Variants in USP54 observed in about 807,000 individuals in gnomAD.
USP54 encodes ubiquitin carboxyl-terminal hydrolase 54.
USP54 carries 87 observed loss-of-function variants against 170.5 expected under a neutral mutation model. That is an observed-to-expected ratio of 0.51 (90% CI 0.43 to 0.61). The LOEUF is 0.61. USP54 is among the 20% of genes least tolerant of loss of function. The pLI is 0.00. For missense variants in USP54, 1,786 were observed against 2,047.8 expected (o/e 0.87, Z 2.47); for synonymous variants, 655 against 742.8 (o/e 0.88, Z 1.92).
intron 4 of USP54, among the ~76,000 whole-genome samples, chr10:73,554,022 T>C (rs936540777): frequency 2.0e-5 from 3 of 152,234 alleles, no homozygotes; most frequent in South Asian, 2.1e-4. Context: ...AAAGTCTTTA[T>C]GCTTCGACAT....
Position 73,517,540 on chromosome 10 carries a change from G to T in USP54, c.2886C>A (p.Asp962Glu), listed in dbSNP as rs753097380. The change falls in exon 20 of 24, where the codon GAC becomes GAA. Residue 962 changes from aspartate (D) to glutamate (E), a missense_variant. Asp to Glu is a conservative substitution (Grantham distance 45). Transcript: ENST00000687698. ...TGTGGAATGCAGAGGGTTCAATGTT[G>T]TCTACTTCAACCGAAGTCAGAAGCT... ...ALKLLTSVEVDNIEPSAFHRQ... is the reference protein window; with the variant it reads ...ALKLLTSVEVENIEPSAFHRQ... The T allele has an allele frequency of 6.2e-7, 1 of 1,614,178 alleles. No individual in the cohort carries two copies. The highest frequency in any genetic ancestry group is 8.5e-7 in the Non-Finnish European group (1 of 1,180,028).
At chr10:73,571,918 A>G (rs1218041958) in intron 3 of USP54, among the ~76,000 whole-genome samples, 1 of 152,344 alleles carries the variant, frequency 6.6e-6, no homozygotes, top group East Asian at 1.9e-4. Context: ...GTGGAATTTT[A>G]TCTTTGTTAG....
chr10:73,505,604 C>T (rs2058972750), intron 20 of USP54, 178 bp from the exon 21 acceptor site: 1 of 533,728 alleles, frequency 1.9e-6, no homozygotes, highest in Non-Finnish European at 3.3e-6. Context: ...GGCGCGGTGG[C>T]TCACACCTGT....
At chr10:73,596,331 G>A (rs2132244409), upstream of USP54, among the ~76,000 whole-genome samples, 1 of 152,186 alleles carries the variant, frequency 6.6e-6, no homozygotes, top group South Asian at 2.1e-4. Flanking sequence ...GCCGAGGCGG[G>A]CAGATCACAA....
chr10:73,516,307 G>A, intron 20 of USP54, 68 bp downstream of exon 20: 1 of 1,502,894 alleles, frequency 6.7e-7, no homozygotes, highest in Non-Finnish European at 9.0e-7. Flanking sequence ...ACTCCCTTCT[G>A]ATCTTTCCCT....
rs970790516 is a variant in USP54 at position 73,623,462 on chromosome 10, G to A, written c.-18+2105C>T. On this transcript the variant is annotated intron_variant, in intron 1 of 22. Coordinates refer to the USP54 transcript ENST00000339859. The stretch of plus-strand genomic sequence containing the variant: ...ACTTGAGCCCAGGAGTTTGAGACCA[G>A]CCTGGCAACATAGCAAGACCCCATC... 2.0e-5 allele frequency among the ~76,000 whole-genome samples: 3 copies of A among 151,966 alleles called. No individual in the cohort carries two copies. The East Asian group carries it at 5.8e-4, about 29-fold the overall frequency.
At chr10:73,618,741 C>CAA (rs1320519590) in intron 1 of USP54, among the ~76,000 whole-genome samples, 6 of 58,460 alleles carry the variant, frequency 1.0e-4, no homozygotes, top group East Asian at 4.9e-4. Flanking sequence ...GACTCCATCT[C>CAA]AAAAAAAAAA....
intron 4 of USP54, among the ~76,000 whole-genome samples, chr10:73,561,104 C>CAAAAAA (rs919887025): frequency 8.9e-4 from 27 of 30,426 alleles, no homozygotes; most frequent in Middle Eastern, 0.014. Flanking sequence ...GACTCCATCT[C>CAAAAAA]AAAAAAAAAA....
chr10:73,539,805 C>T (rs764414857), intron 9 of USP54, among the ~76,000 whole-genome samples: 1 of 152,070 alleles, frequency 6.6e-6, no homozygotes, highest in African/African-American at 2.4e-5. Context: ...GACAAGAGTT[C>T]GAGAACAACC....
chr10:73,510,687 G>A (rs1266946542), intron 20 of USP54, among the ~76,000 whole-genome samples: 17 of 152,070 alleles, frequency 1.1e-4, no homozygotes, highest in Non-Finnish European at 1.2e-4. Context: ...GACCTCAAGT[G>A]ATCCATCCAC....
intron 4 of USP54, among the ~76,000 whole-genome samples, chr10:73,554,374 A>G (rs2070426839): frequency 6.6e-6 from 1 of 152,166 alleles, no homozygotes; most frequent in Admixed American, 6.5e-5. Flanking sequence ...TGCTTTCGCT[A>G]CATCTCCTGG....
chr10:73,622,073 T>C (rs1306093611), intron 1 of USP54, among the ~76,000 whole-genome samples: 3 of 152,166 alleles, frequency 2.0e-5, no homozygotes, highest in East Asian at 1.9e-4. Flanking sequence ...TTTCTTAGTA[T>C]ATTAGAATCA....
chr10:73,508,380 C>G (rs1450639912), intron 20 of USP54, among the ~76,000 whole-genome samples: 1 of 145,764 alleles, frequency 6.9e-6, no homozygotes, highest in African/African-American at 2.6e-5. Context: ...GCACTCCAGA[C>G]TGGGCGATAG....
In USP54 at chr10:73,554,372, C is replaced by T. The variant is rs142473192; in HGVS notation, c.241-8700G>A. Among the ~76,000 whole-genome samples, 228 of 152,286 alleles carry T rather than the reference C, an allele frequency of 1.5e-3. 1 individual carries two copies. Among genetic ancestry groups the T allele is most frequent in the African/African-American group, 5.3e-3 (220 of 41,548 alleles). The stretch of plus-strand genomic sequence containing the variant: ...TTGGCTCTCATAATCACTGCTTTCG[C>T]TACATCTCCTGGGAATCATAGAACT... On this transcript the variant is annotated intron_variant, in intron 4 of 23. Transcript: ENST00000687698.
In USP54 at chr10:73,539,608, G is replaced by A. The variant is rs1308134091; in HGVS notation, c.826-15C>T. 6.4e-7 allele frequency: 1 copy of A among 1,568,748 alleles called. No individual in the cohort carries two copies. The highest frequency in any genetic ancestry group is 8.7e-7 in the Non-Finnish European group (1 of 1,151,964). The stretch of plus-strand genomic sequence containing the variant: ...CTGAAAAACAGCTGAGGGGAAAGAA[G>A]AGAAAAGAAAGCACAGTCACATATT... On this transcript the variant is annotated splice_polypyrimidine_tract_variant and intron_variant, in intron 9 of 23. Transcript: ENST00000687698.
At position 73,603,856 on chromosome 10, in the gene USP54, A is replaced by G. The variant is rs149163843; in HGVS notation, c.-18+21711T>C. 5.4e-4 allele frequency among the ~76,000 whole-genome samples: 82 copies of G among 152,280 alleles called. 1 individual carries two copies. The highest frequency in any genetic ancestry group is 1.7e-3 in the African/African-American group (71 of 41,568). On this transcript the variant is annotated intron_variant, in intron 1 of 22. Coordinates refer to the USP54 transcript ENST00000339859. ...CTCCAAAGAAGATACACCAATGGCC[A>G]ATGAACACAGGAAAAGACACTCAAG...
intron 1 of USP54, among the ~76,000 whole-genome samples, chr10:73,609,328 CAG>C (rs2079936827): frequency 6.6e-6 from 1 of 152,180 alleles, no homozygotes; most frequent in East Asian, 1.9e-4. Flanking sequence ...TGGATCTGCA[CAG>C]AGAAATAAAA....
chr10:73,538,914 C>T (rs756912216), intron 10 of USP54, among the ~76,000 whole-genome samples: 2 of 152,100 alleles, frequency 1.3e-5, no homozygotes, highest in Non-Finnish European at 2.9e-5. Flanking sequence ...TTGTTCCTAT[C>T]CTCGAAGAAC....
rs540175625 is a variant in USP54 at position 73,561,871 on chromosome 10, T to G, written c.240+9550A>C. Among the ~76,000 whole-genome samples, 229 of 152,182 alleles carry G rather than the reference T, an allele frequency of 1.5e-3. 1 individual carries two copies. The highest frequency in any genetic ancestry group is 5.3e-3 in the African/African-American group (220 of 41,524). ...TTTAGGGATCTGGAAAAAAGTAATCTTTTTACAAAAACAGTGGGCAAAAAG... is the reference window on the plus strand; with the variant it reads ...TTTAGGGATCTGGAAAAAAGTAATCGTTTTACAAAAACAGTGGGCAAAAAG... On this transcript the variant is annotated intron_variant, in intron 4 of 23. Coordinates refer to ENST00000687698, the MANE Select transcript of USP54 (RefSeq NM_001391956.1).
Sources: gnomAD v4.1 joint callset for allele counts (sites outside exome capture counted in the v4.1 genomes callset) on GRCh38, gnomAD v4.1.1 for gene constraint, MANE v1.5 for transcripts, NCBI Gene and HGNC (gene_info 2026-07-23, HGNC 2026-07-21) for gene names.